MYO6: variants seen among roughly 807,000 people sequenced by gnomAD.
MYO6 encodes unconventional myosin-VI.
In MYO6, 74 loss-of-function variants were observed where a neutral mutation model predicts 178.7. The ratio of observed to expected loss-of-function variants is 0.41; its 90% CI spans 0.34 to 0.50. MYO6 has a LOEUF of 0.50. Ranked by LOEUF, MYO6 falls within the 20% of genes least tolerant of loss-of-function variation. The pLI is 0.09. For synonymous variants in MYO6, 477 were observed against 504.6 expected (o/e 0.95, Z 0.73); for missense variants, 1,330 against 1,547.4 (o/e 0.86, Z 2.36).
intron 11 of MYO6, among the ~76,000 whole-genome samples, chr6:75,854,354 G>A (rs1264898173): frequency 1.5e-5 from 2 of 131,800 alleles, no homozygotes; most frequent in Non-Finnish European, 3.1e-5. Context: ...TGTCAAAAAG[G>A]CTTGCAGATA....
intron 1 of MYO6, among the ~76,000 whole-genome samples, chr6:75,817,139 A>G (rs1324185721): frequency 1.3e-5 from 2 of 152,078 alleles, no homozygotes; most frequent in Non-Finnish European, 2.9e-5. Flanking sequence ...TCCCATCTCT[A>G]CTAAAAATAC....
chr6:75,773,038 A>G (rs188916372), intron 1 of MYO6, among the ~76,000 whole-genome samples: 45 of 152,330 alleles, frequency 3.0e-4, no homozygotes, highest in African/African-American at 1.0e-3. Context: ...AGATGAAGTA[A>G]TTGTCATAAT....
intron 11 of MYO6, among the ~76,000 whole-genome samples, chr6:75,852,385 C>G (rs1403219646): frequency 6.6e-6 from 1 of 151,858 alleles, no homozygotes; most frequent in Non-Finnish European, 1.5e-5. Flanking sequence ...ATACAGTTCA[C>G]TCAATTGAAG....
intron 1 of MYO6, among the ~76,000 whole-genome samples, chr6:75,781,412 GC>G (rs1168723187): frequency 1.3e-5 from 2 of 152,104 alleles, no homozygotes; most frequent in Non-Finnish European, 2.9e-5. Context: ...CTCTTCAGTG[GC>G]CTTTGTGCAC....
intron 7 of MYO6, among the ~76,000 whole-genome samples, chr6:75,839,431 G>A (rs1030165582): frequency 6.6e-6 from 1 of 152,026 alleles, no homozygotes; most frequent in South Asian, 2.1e-4. Flanking sequence ...CTCGAGATCC[G>A]CCTGCCTCGG....
At chr6:75,825,465 C>T (rs1027596163) in intron 3 of MYO6, among the ~76,000 whole-genome samples, 3 of 152,196 alleles carry the variant, frequency 2.0e-5, no homozygotes, top group Middle Eastern at 3.4e-3. Context: ...TGGTGGTGGG[C>T]GCCGGTAATC....
In MYO6 at chr6:75,857,258, A is replaced by C. The variant is rs748568228; in HGVS notation, c.1381+4A>C. ...GTCCTAGATATTGCTGGTTTTGGTAAGTAGAGTTTCTTTTGTGAGTATATA... is the reference window on the plus strand; with the variant it reads ...GTCCTAGATATTGCTGGTTTTGGTACGTAGAGTTTCTTTTGTGAGTATATA... On this transcript the variant is annotated splice_donor_region_variant and intron_variant, in intron 13 of 34. Transcript: ENST00000369977. The C allele has an allele frequency of 6.2e-7, 1 of 1,612,790 alleles. No individual in the cohort carries two copies. The highest frequency in any genetic ancestry group is 8.5e-7 in the Non-Finnish European group (1 of 1,178,890).
chr6:75,811,346 T>A (rs1028967887), intron 1 of MYO6, among the ~76,000 whole-genome samples: 1 of 152,238 alleles, frequency 6.6e-6, no homozygotes, highest in Non-Finnish European at 1.5e-5. Context: ...CTCTTGTGGT[T>A]GCTGTTGGTT....
At chr6:75,754,686 T>G (rs1307568714) in intron 1 of MYO6, among the ~76,000 whole-genome samples, 1 of 152,140 alleles carries the variant, frequency 6.6e-6, no homozygotes, top group East Asian at 1.9e-4. Context: ...AAGTGTGAAC[T>G]GATTCCTCCC....
At chr6:75,910,490 G>A (rs1780680688) in intron 32 of MYO6, among the ~76,000 whole-genome samples, 1 of 152,030 alleles carries the variant, frequency 6.6e-6, no homozygotes, top group African/African-American at 2.4e-5. Flanking sequence ...TTCAACTACT[G>A]TTTCTGTTTG....
At chr6:75,904,228 G>A (rs1479587545) in intron 30 of MYO6, among the ~76,000 whole-genome samples, 2 of 149,616 alleles carry the variant, frequency 1.3e-5, no homozygotes, top group Non-Finnish European at 3.0e-5. Flanking sequence ...TTCTCGAGGA[G>A]TATCTTTGTG....
chr6:75,818,911 ATTT>A (rs968391036), intron 2 of MYO6, among the ~76,000 whole-genome samples: 5 of 152,038 alleles, frequency 3.3e-5, no homozygotes, highest in African/African-American at 1.2e-4. Flanking sequence ...AAGGCTTTTG[ATTT>A]TTGTTTAACA....
chr6:75,784,119 A>C (rs1417476273), intron 1 of MYO6, among the ~76,000 whole-genome samples: 1 of 151,964 alleles, frequency 6.6e-6, no homozygotes, highest in Non-Finnish European at 1.5e-5. Flanking sequence ...TCACAGGCGC[A>C]TGCCACCATG....
chr6:75,913,986 G>T, intron 33 of MYO6, 77 bp from the exon 34 acceptor site: 1 of 1,266,310 alleles, frequency 7.9e-7, no homozygotes, highest in East Asian at 2.3e-5. Flanking sequence ...AAAAATTATT[G>T]GGGTATATTT....
rs771206172 is a variant in MYO6, at chr6:75,887,023, A to T, written c.2658+29A>T. 8 of 1,589,370 alleles carry T rather than the reference A, an allele frequency of 5.0e-6. No homozygotes were observed. In the Admixed American group the frequency reaches 1.3e-4, roughly 27 times the overall value. ...TGTAATTTCAACCCGAATGACTTTG[A>T]CTTTTTATGTAATTTAATATATTTT... On this transcript the variant is annotated intron_variant, in intron 25 of 34. Coordinates refer to ENST00000369977, the MANE Select transcript of MYO6 (RefSeq NM_004999.4).
At chr6:75,895,830 T>C (rs1779260008) in intron 29 of MYO6, among the ~76,000 whole-genome samples, 1 of 152,164 alleles carries the variant, frequency 6.6e-6, no homozygotes, top group South Asian at 2.1e-4. Flanking sequence ...TTATGTATTT[T>C]TTTTAAACTG....
intron 28 of MYO6, among the ~76,000 whole-genome samples, chr6:75,893,244 A>G (rs532907962): frequency 1.3e-5 from 2 of 152,200 alleles, no homozygotes; most frequent in African/African-American, 4.8e-5. Context: ...AATTATCTCT[A>G]AGCACTCCAC....
At chr6:75,870,750 C>A in intron 19 of MYO6, 65 bp downstream of exon 19, 2 of 1,294,378 alleles carry the variant, frequency 1.5e-6, no homozygotes, top group Non-Finnish European at 2.2e-6. Flanking sequence ...AGTAATTATG[C>A]AAGTAGGCAT....
chr6:75,871,665 T>C (rs1472202441), intron 19 of MYO6, among the ~76,000 whole-genome samples: 1 of 152,222 alleles, frequency 6.6e-6, no homozygotes, highest in Admixed American at 6.5e-5. Context: ...TAAAAATCTT[T>C]TTAATATCCT....
Sources: allele counts gnomAD v4.1 joint callset (sites outside exome capture counted in the v4.1 genomes callset), GRCh38; gene constraint gnomAD v4.1.1; transcripts MANE v1.5; gene names NCBI Gene and HGNC (gene_info 2026-07-23, HGNC 2026-07-21).